HUNK: variants seen among roughly 807,000 people sequenced by gnomAD.
HUNK encodes hormonally up-regulated neu tumor-associated kinase.
Under a neutral mutation model 61.0 loss-of-function variants are expected in HUNK, and 21 were observed. That is an observed-to-expected ratio of 0.34 (90% CI 0.24 to 0.50). HUNK has a LOEUF of 0.50. Ranked by LOEUF, HUNK falls within the 20% of genes least tolerant of loss-of-function variation. HUNK has a pLI of 0.98. For missense variants in HUNK, 772 were observed against 945.7 expected, an observed-to-expected ratio of 0.82 and a Z score of 2.41; for synonymous variants, 371 against 386.1, an observed-to-expected ratio of 0.96 and a Z score of 0.46.
At chr21:31,985,756 C>T (rs954433743) in intron 8 of HUNK, among the ~76,000 whole-genome samples, 6 of 151,958 alleles carry the variant, frequency 3.9e-5, no homozygotes, top group African/African-American at 1.2e-4. Flanking sequence ...AGAACAGCTT[C>T]GTGAAGTGCC....
chr21:31,988,289 A>G (rs2123250084), intron 8 of HUNK, among the ~76,000 whole-genome samples: 1 of 152,244 alleles, frequency 6.6e-6, no homozygotes, highest in Admixed American at 6.5e-5. Flanking sequence ...AAATTGGCTT[A>G]TCAAAGCCAT....
At chr21:31,894,740 T>C (rs1188630149) in intron 1 of HUNK, among the ~76,000 whole-genome samples, 1 of 152,146 alleles carries the variant, frequency 6.6e-6, no homozygotes, top group African/African-American at 2.4e-5. Context: ...GCAAGGTGCA[T>C]GGTTTAGCAA....
intron 10 of HUNK, among the ~76,000 whole-genome samples, chr21:31,996,278 G>A (rs909573602): frequency 3.9e-5 from 6 of 152,202 alleles, no homozygotes; most frequent in African/African-American, 1.4e-4. Flanking sequence ...TACTGCAGGG[G>A]CAGAGATGAG....
intron 8 of HUNK, among the ~76,000 whole-genome samples, chr21:31,986,971 T>C (rs1171142372): frequency 1.3e-5 from 2 of 152,216 alleles, no homozygotes; most frequent in African/African-American, 4.8e-5. Flanking sequence ...GGCTGTGAGT[T>C]CCAGAAGAGT....
At chr21:31,876,683 G>A (rs535631557) in intron 1 of HUNK, among the ~76,000 whole-genome samples, 1 of 152,194 alleles carries the variant, frequency 6.6e-6, no homozygotes, top group African/African-American at 2.4e-5. Flanking sequence ...GGAAAAGGAG[G>A]TCATTAAGCC....
intron 1 of HUNK, among the ~76,000 whole-genome samples, chr21:31,919,893 G>A (rs2052612072): frequency 1.3e-5 from 2 of 152,186 alleles, no homozygotes; most frequent in African/African-American, 2.4e-5. Context: ...GTCCCAAAGG[G>A]CATCAGATAG....
Position 31,980,126 on chromosome 21 carries a change from C to T in HUNK, c.1174-3400C>T, listed in dbSNP as rs561484565. The stretch of plus-strand genomic sequence containing the variant: ...TCACTCTGTCACCCAAGCTGGAGTG[C>T]AGTGGTGTGATCTCAGCTCACCGTG... On this transcript the variant is annotated intron_variant, in intron 7 of 10. Transcript: ENST00000270112. Among the ~76,000 whole-genome samples the T allele has an allele frequency of 2.8e-4, 42 of 152,126 alleles. No individual in the cohort carries two copies. The East Asian group carries it at 7.2e-3, about 26-fold the overall frequency.
intron 1 of HUNK, among the ~76,000 whole-genome samples, chr21:31,897,687 T>C (rs2052434752): frequency 6.6e-6 from 1 of 152,138 alleles, no homozygotes; most frequent in African/African-American, 2.4e-5. Context: ...GTTTTTCTTA[T>C]CCCATCTCAT....
At chr21:31,979,325 GC>G (rs947453697) in intron 7 of HUNK, among the ~76,000 whole-genome samples, 14 of 151,756 alleles carry the variant, frequency 9.2e-5, no homozygotes, top group East Asian at 2.0e-4. Flanking sequence ...CACCATGTTG[GC>G]CAGGATGGTC....
At position 31,987,943 on chromosome 21, in the gene HUNK, C is replaced by T. The variant is rs116264906; in HGVS notation, c.1258-2186C>T. 3.7e-3 allele frequency among the ~76,000 whole-genome samples: 556 copies of T among 152,186 alleles called. 7 individuals are homozygous for T. The highest frequency in any genetic ancestry group is 0.012 in the African/African-American group (513 of 41,516). Reference sequence around the variant, plus strand: ...GCAAACCAGGGTGTGGCCCAGGGCTCGTGTCCCCTAGGGCTGTCATCAACC... The same window carrying T: ...GCAAACCAGGGTGTGGCCCAGGGCTTGTGTCCCCTAGGGCTGTCATCAACC... On this transcript the variant is annotated intron_variant, in intron 8 of 10. Coordinates refer to ENST00000270112, the MANE Select transcript of HUNK (RefSeq NM_014586.2).
chr21:31,978,245 T>A (rs1407544399), intron 7 of HUNK, among the ~76,000 whole-genome samples: 1 of 152,242 alleles, frequency 6.6e-6, no homozygotes, highest in Non-Finnish European at 1.5e-5. Flanking sequence ...AACATGATGC[T>A]TTGAAATATA....
At position 31,999,439 on chromosome 21, in the gene HUNK, C is replaced by A. The variant is rs374336103; in HGVS notation, c.*255C>A. 4.9e-4 allele frequency: 218 copies of A among 447,678 alleles called. No homozygotes were observed. Among genetic ancestry groups the A allele is most frequent in the African/African-American group, 4.1e-3 (209 of 51,120 alleles). The allele number at this position is 447,678 out of a possible 1,614,324, so 27.7% of individuals were successfully genotyped here. A position where few individuals can be genotyped will look rare whatever the true frequency, so the allele number is the denominator to read the frequency against. ...GATCTTCCTTCCTCCCAAGTACTCA[C>A]CAACCCCTTCCACTTCCCACTTCCC... On this transcript the variant is annotated 3_prime_UTR_variant, in exon 11 of 11. Transcript: ENST00000270112.
At chr21:31,967,087 A>G (rs920300481) in intron 5 of HUNK, among the ~76,000 whole-genome samples, 3 of 152,086 alleles carry the variant, frequency 2.0e-5, no homozygotes. Flanking sequence ...GGTGGCTTAC[A>G]CACTTAATCC....
chr21:31,920,020 A>G (rs982266946), intron 1 of HUNK, among the ~76,000 whole-genome samples: 1 of 152,170 alleles, frequency 6.6e-6, no homozygotes, highest in Admixed American at 6.5e-5. Context: ...CAGAAGTCTT[A>G]AAAAGTATTG....
intron 2 of HUNK, among the ~76,000 whole-genome samples, chr21:31,929,197 A>G (rs1236321564): frequency 6.6e-6 from 1 of 152,164 alleles, no homozygotes; most frequent in Non-Finnish European, 1.5e-5. Flanking sequence ...TCTTTCCAGA[A>G]CTATTTAAAC....
chr21:31,916,414 C>T (rs1033076330), intron 1 of HUNK, among the ~76,000 whole-genome samples: 4 of 151,986 alleles, frequency 2.6e-5, no homozygotes, highest in Non-Finnish European at 4.4e-5. Flanking sequence ...GTGTCATTAC[C>T]GGGTGCATTA....
intron 7 of HUNK, among the ~76,000 whole-genome samples, chr21:31,977,020 C>G (rs568587068): frequency 6.6e-6 from 1 of 152,124 alleles, no homozygotes. Context: ...GTCTGCCCAC[C>G]TTGGCCTCCC....
In HUNK at chr21:31,927,583, G is replaced by A. The variant is rs576080052; in HGVS notation, c.554+2823G>A. 7.9e-4 allele frequency among the ~76,000 whole-genome samples: 120 copies of A among 152,100 alleles called. No homozygotes were observed. The Middle Eastern group carries it at 0.027, about 34-fold the overall frequency. On this transcript the variant is annotated intron_variant, in intron 2 of 10. Coordinates refer to ENST00000270112, the MANE Select transcript of HUNK (RefSeq NM_014586.2). ...GGCATGAACCAAGAAGGCAGAGCTTGCAGTGAGCCGAGATCACGCCACTGC... is the reference window on the plus strand; with the variant it reads ...GGCATGAACCAAGAAGGCAGAGCTTACAGTGAGCCGAGATCACGCCACTGC...
In HUNK at chr21:31,924,788, C is replaced by A; in HGVS notation, c.554+28C>A. 6.4e-7 allele frequency: 1 copy of A among 1,561,454 alleles called. No homozygotes were observed. On this transcript the variant is annotated intron_variant, in intron 2 of 10. Coordinates refer to ENST00000270112, the MANE Select transcript of HUNK (RefSeq NM_014586.2). The surrounding 1 kb of genome is among the most constrained non-coding windows in gnomAD (Gnocchi z 5.1). Reference sequence around the variant, plus strand: ...AAGGGCCAGGCCACGCTGGTGATCGCTGACTGTGTGCTCCGTGGGTGGCAC... The same window carrying A: ...AAGGGCCAGGCCACGCTGGTGATCGATGACTGTGTGCTCCGTGGGTGGCAC...
Sources: gnomAD v4.1 joint callset for allele counts (sites outside exome capture counted in the v4.1 genomes callset) on GRCh38, gnomAD v4.1.1 for gene constraint, Gnocchi (gnomAD v3.1) non-coding constraint, MANE v1.5 for transcripts, NCBI Gene and HGNC (gene_info 2026-07-23, HGNC 2026-07-21) for gene names.